The following ENOX1 variants were observed in gnomAD, a reference collection of about 807,000 sequenced individuals.
ENOX1 encodes candidate growth-related and time keeping constitutive hydroquinone (NADH) oxidase.
In ENOX1, 42 loss-of-function variants were observed where a neutral mutation model predicts 82.5. The observed-to-expected ratio is 0.51, with a 90% CI of 0.40 to 0.66. The LOEUF (loss-of-function observed/expected upper bound fraction) is 0.66. Ranked by LOEUF, ENOX1 falls within the 30% of genes least tolerant of loss-of-function variation. The pLI, the probability that ENOX1 is intolerant of heterozygous loss-of-function variation, is 0.00. For missense variants in ENOX1, 608 were observed against 811.6 expected (o/e 0.75, Z 3.05); for synonymous variants, 271 against 282.2 (o/e 0.96, Z 0.40).
In ENOX1 at chr13:43,580,103, G is replaced by T. The variant is rs529377631; in HGVS notation, c.-219+87376C>A. On this transcript the variant is annotated intron_variant, in intron 2 of 16. Transcript: ENST00000690772. ...CAGGTGCAGACTTGAGAATGAGAAT[G>T]AGTCAATGGGCTTCTACATGTACAT... 2.6e-5 allele frequency among the ~76,000 whole-genome samples: 4 copies of T among 152,316 alleles called. No homozygotes were observed. In the South Asian group the frequency reaches 8.3e-4, roughly 32 times the overall value.
chr13:43,778,904 A>C (rs1254858772), intron 1 of ENOX1, among the ~76,000 whole-genome samples: 1 of 152,192 alleles, frequency 6.6e-6, no homozygotes, highest in Non-Finnish European at 1.5e-5. Flanking sequence ...AAGTGACCAC[A>C]TGGCACAGGC....
chr13:43,398,126 G>T (rs1227293085), intron 5 of ENOX1, among the ~76,000 whole-genome samples: 5 of 152,182 alleles, frequency 3.3e-5, no homozygotes, highest in Non-Finnish European at 5.9e-5. Flanking sequence ...TTGGGGGTTA[G>T]GATTTCAACA....
At chr13:43,233,792 G>A (rs2042395243) in intron 15 of ENOX1, among the ~76,000 whole-genome samples, 1 of 152,304 alleles carries the variant, frequency 6.6e-6, no homozygotes, top group South Asian at 2.1e-4. Flanking sequence ...GCCAATTAAT[G>A]TTTCCAAGTT....
Position 43,322,470 on chromosome 13 carries a change from A to G in ENOX1, c.1175T>C (p.Met392Thr). 1 of 1,614,034 alleles carries G rather than the reference A, an allele frequency of 6.2e-7. No homozygotes were observed. Among genetic ancestry groups the G allele is most frequent in the Non-Finnish European group, 8.5e-7 (1 of 1,179,932 alleles). The stretch of plus-strand genomic sequence containing the variant: ...CATTTCTTCTTCGCGGCGGATGCCC[A>G]TGAGCTGCTCACTTTGAGCATTCCG... ...ELRNAQSEQL[M>T]GIRREEEMEM... The change falls in exon 11 of 17, where the codon ATG becomes ACG. Residue 392 changes from methionine (M) to threonine (T), a missense_variant. Met to Thr is a moderately conservative substitution (Grantham distance 81). Coordinates refer to ENST00000690772, the MANE Select transcript of ENOX1 (RefSeq NM_001347969.2).
chr13:43,668,893 GCCAACTAC>G (rs2085119164), intron 1 of ENOX1, among the ~76,000 whole-genome samples: 1 of 152,202 alleles, frequency 6.6e-6, no homozygotes, highest in South Asian at 2.1e-4. Context: ...CCAGCAAGGA[GCCAACTAC>G]CTTATTTCAA....
At position 43,427,759 on chromosome 13, in the gene ENOX1, C is replaced by T. The variant is rs565696527; in HGVS notation, c.-74-14771G>A. On this transcript the variant is annotated intron_variant, in intron 3 of 16. Transcript: ENST00000690772. ...AAAAGTACCAGCAGACATGAACTTG[C>T]TATAGCATGGCAAATTAGATATTCT... is the stretch of plus-strand genomic sequence containing the variant. Among the ~76,000 whole-genome samples, 3 of 152,250 alleles carry T rather than the reference C, an allele frequency of 2.0e-5. No homozygotes were observed. The East Asian group carries it at 5.8e-4, about 29-fold the overall frequency.
chr13:43,259,895 CAAGTTCTGGGAAGA>C (rs2043959436), intron 14 of ENOX1, among the ~76,000 whole-genome samples: 1 of 152,196 alleles, frequency 6.6e-6, no homozygotes, highest in Admixed American at 6.5e-5. Context: ...GACCAAGCAG[CAAGTTCTGGGAAGA>C]AAGAATCCAG....
chr13:43,573,043 C>T (rs916604363), intron 2 of ENOX1, among the ~76,000 whole-genome samples: 2 of 152,138 alleles, frequency 1.3e-5, no homozygotes, highest in African/African-American at 4.8e-5. Flanking sequence ...CTCATTGGTA[C>T]TGAAAATATA....
chr13:43,503,424 G>A (rs76835680), intron 2 of ENOX1, among the ~76,000 whole-genome samples: 33,259 of 151,420 alleles, frequency 0.22, 3,982 homozygotes, highest in Middle Eastern at 0.29. Flanking sequence ...ACCCTGAATA[G>A]CCAAAGCAAT....
At chr13:43,598,035 A>G (rs1307323847) in intron 2 of ENOX1, among the ~76,000 whole-genome samples, 4 of 151,886 alleles carry the variant, frequency 2.6e-5, no homozygotes, top group Non-Finnish European at 4.4e-5. Context: ...AGTACAAATC[A>G]CCATCTGACA....
At chr13:43,564,270 G>A (rs753404678) in intron 2 of ENOX1, among the ~76,000 whole-genome samples, 2 of 151,904 alleles carry the variant, frequency 1.3e-5, no homozygotes, top group South Asian at 2.1e-4. Flanking sequence ...TCCATACTAC[G>A]CAAAGCATTC....
At chr13:43,482,073 G>A (rs1264064934) in intron 3 of ENOX1, among the ~76,000 whole-genome samples, 1 of 152,140 alleles carries the variant, frequency 6.6e-6, no homozygotes, top group East Asian at 1.9e-4. Flanking sequence ...CTTCTGCTGT[G>A]CAGTATGAAG....
rs556954672 is a variant in ENOX1, at chr13:43,523,184, T to G, written c.-218-39032A>C. Among the ~76,000 whole-genome samples, 20 of 152,304 alleles carry G rather than the reference T, an allele frequency of 1.3e-4. No individual in the cohort carries two copies. In the South Asian group the frequency reaches 4.1e-3, roughly 32 times the overall value. On this transcript the variant is annotated intron_variant, in intron 2 of 16. Transcript: ENST00000690772. The stretch of plus-strand genomic sequence containing the variant: ...TCTCAAAAGGTGGGCTCAGGACTAC[T>G]TGCATCAGAATAATCTGAGGTGCAT...
intron 3 of ENOX1, among the ~76,000 whole-genome samples, chr13:43,418,388 T>C (rs2054762361): frequency 6.6e-6 from 1 of 151,714 alleles, no homozygotes; most frequent in Non-Finnish European, 1.5e-5. Flanking sequence ...ATTAGCTGGG[T>C]GTGGTGGTGC....
At chr13:43,610,477 T>C (rs928518447) in intron 2 of ENOX1, among the ~76,000 whole-genome samples, 4 of 152,314 alleles carry the variant, frequency 2.6e-5, no homozygotes, top group South Asian at 2.1e-4. Flanking sequence ...ATTTATTAGA[T>C]GGAGTTGGGG....
intron 3 of ENOX1, chr13:43,458,655 T>C (rs2153635988): frequency 6.6e-6 from 1 of 152,146 alleles, no homozygotes; most frequent in South Asian, 2.1e-4. Flanking sequence ...TAAAGGAAAA[T>C]ATTTGGCCCA....
chr13:43,568,580 G>A (rs2080023108), intron 2 of ENOX1, among the ~76,000 whole-genome samples: 1 of 152,120 alleles, frequency 6.6e-6, no homozygotes, highest in South Asian at 2.1e-4. Context: ...GCTGAGAGGA[G>A]GGAGAGCAAT....
intron 2 of ENOX1, among the ~76,000 whole-genome samples, chr13:43,652,071 G>T (rs2153777800): frequency 6.6e-6 from 1 of 151,636 alleles, no homozygotes; most frequent in African/African-American, 2.4e-5. Context: ...GTACCCAGCT[G>T]CAAATTAGTA....
chr13:43,778,943 A>C (rs1047862940), intron 1 of ENOX1, among the ~76,000 whole-genome samples: 1 of 152,136 alleles, frequency 6.6e-6, no homozygotes, highest in Non-Finnish European at 1.5e-5. Context: ...GTTTTAGAGA[A>C]TCCATCTCAA....
Sources: allele counts gnomAD v4.1 joint callset (sites outside exome capture counted in the v4.1 genomes callset), GRCh38; gene constraint gnomAD v4.1.1; transcripts MANE v1.5; gene names NCBI Gene and HGNC (gene_info 2026-07-23, HGNC 2026-07-21).